The following PCTP variants were observed in gnomAD, a reference collection of about 807,000 sequenced individuals.
PCTP encodes the protein phosphatidylcholine transfer protein, also known as START domain-containing protein 2.
PCTP carries 27 observed loss-of-function variants against 31.0 expected under a neutral mutation model. That is an observed-to-expected ratio of 0.87 (90% CI 0.64 to 1.20). PCTP has a LOEUF of 1.20. Ranked by LOEUF, PCTP falls within the 50% of genes most tolerant of loss-of-function variation. PCTP has a pLI of 0.00. For missense variants in PCTP, 287 were observed against 268.2 expected (o/e 1.07, Z -0.49); for synonymous variants, 108 against 101.2 (o/e 1.07, Z -0.40).
chr17:55,779,369 G>C (rs1374353327), downstream of PCTP, among the ~76,000 whole-genome samples: 2 of 152,198 alleles, frequency 1.3e-5, no homozygotes, highest in Non-Finnish European at 1.5e-5. Flanking sequence ...AGAACATGTT[G>C]GAATTGTGGC....
chr17:55,762,112 G>A (rs1250633513), intron 1 of PCTP, among the ~76,000 whole-genome samples: 3 of 152,150 alleles, frequency 2.0e-5, no homozygotes, highest in Non-Finnish European at 4.4e-5. Flanking sequence ...TGGGATGAAA[G>A]GATGGCATGA....
At chr17:55,829,547 T>C (rs1426671904) in intron 5 of PCTP, among the ~76,000 whole-genome samples, 1 of 152,160 alleles carries the variant, frequency 6.6e-6, no homozygotes, top group Non-Finnish European at 1.5e-5. Flanking sequence ...TCACCTCAGG[T>C]GATCCACCTG....
intron 5 of PCTP, among the ~76,000 whole-genome samples, chr17:55,836,412 C>T (rs1171896640): frequency 6.6e-6 from 1 of 152,180 alleles, no homozygotes. Flanking sequence ...CCAAGTGCCC[C>T]AAAGACAAGG....
At chr17:55,834,574 C>T (rs1014946177) in intron 5 of PCTP, among the ~76,000 whole-genome samples, 3 of 152,188 alleles carry the variant, frequency 2.0e-5, no homozygotes, top group Non-Finnish European at 4.4e-5. Flanking sequence ...TTTTCACCTG[C>T]GGTCCATCGC....
At chr17:55,751,381 CCT>C in intron 1 of PCTP, 137 bp downstream of exon 1, 1 of 1,532,178 alleles carries the variant, frequency 6.5e-7, no homozygotes, top group South Asian at 1.2e-5. Flanking sequence ...CCGCCCGGAC[CCT>C]GTCTCAAGCT....
intron 3 of PCTP, among the ~76,000 whole-genome samples, chr17:55,810,140 C>T (rs12952737): frequency 0.14 from 21,250 of 152,150 alleles, 1,554 homozygotes; most frequent in Middle Eastern, 0.19. Context: ...CTGCCTCAGC[C>T]TCCATAGTAG....
chr17:55,776,897 G>T lies in PCTP; in HGVS notation c.*797G>T. ...GCTTTGCATTTTACTGGAAACTGAG[G>T]CGTCAAGATGGCTGTGGCAGCTAGC... On this transcript the variant is annotated 3_prime_UTR_variant, in exon 6 of 6. Transcript: ENST00000268896. The T allele has an allele frequency of 1.0e-6, 1 of 991,660 alleles. No individual in the cohort carries two copies. Among genetic ancestry groups the T allele is most frequent in the Non-Finnish European group, 1.2e-6 (1 of 834,404 alleles). 61.4% of individuals were successfully genotyped at this position (991,660 alleles called of 1,614,324 possible). A position where few individuals can be genotyped will look rare whatever the true frequency, so the allele number is the denominator to read the frequency against.
chr17:55,823,091 C>G (rs1905288619), downstream of PCTP: 1 of 242,012 alleles, frequency 4.1e-6, no homozygotes, highest in Non-Finnish European at 7.9e-6. Flanking sequence ...ATTACCTGCC[C>G]TCTTGGAGCT....
chr17:55,787,099 C>A (rs557552928), intron 2 of PCTP, among the ~76,000 whole-genome samples: 1 of 151,600 alleles, frequency 6.6e-6, no homozygotes, highest in African/African-American at 2.4e-5. Context: ...CATCAGAGAC[C>A]CCAGAGGTAG....
chr17:55,830,155 G>A (rs1455228178), intron 5 of PCTP, among the ~76,000 whole-genome samples: 6 of 152,208 alleles, frequency 3.9e-5, no homozygotes, highest in East Asian at 1.9e-4. Flanking sequence ...CCCAGAGATC[G>A]CCACTTAATC....
chr17:55,837,025 T>G (rs996979352), intron 5 of PCTP, among the ~76,000 whole-genome samples: 1 of 152,054 alleles, frequency 6.6e-6, no homozygotes, highest in African/African-American at 2.4e-5. Context: ...TCTGGTGATG[T>G]GAAGGTTGTA....
At chr17:55,812,292 A>G (rs1286062174) in intron 3 of PCTP, among the ~76,000 whole-genome samples, 1 of 152,224 alleles carries the variant, frequency 6.6e-6, no homozygotes, top group Non-Finnish European at 1.5e-5. Flanking sequence ...CACTATGGGA[A>G]TACCTTACAG....
At chr17:55,837,138 A>G (rs1375703666) in intron 5 of PCTP, among the ~76,000 whole-genome samples, 2 of 152,186 alleles carry the variant, frequency 1.3e-5, no homozygotes, top group Admixed American at 6.5e-5. Context: ...CAATGAGTAG[A>G]AGGAAAGTGA....
intron 5 of PCTP, among the ~76,000 whole-genome samples, chr17:55,831,403 A>C (rs1380412239): frequency 2.0e-5 from 3 of 152,160 alleles, no homozygotes; most frequent in African/African-American, 7.2e-5. Context: ...GAGGAGGGTC[A>C]CACCTGGCTC....
At chr17:55,766,458 G>A (rs1428254451) in intron 1 of PCTP, among the ~76,000 whole-genome samples, 2 of 126,860 alleles carry the variant, frequency 1.6e-5, no homozygotes, top group African/African-American at 6.3e-5. Context: ...TCCCCTTCCT[G>A]TGTCCATGTG....
intron 3 of PCTP, chr17:55,822,640 A>T (rs1913151922): frequency 2.4e-6 from 1 of 419,438 alleles, no homozygotes; most frequent in Non-Finnish European, 4.0e-6. Flanking sequence ...AGAGGCTAGA[A>T]GTAGAATTGC....
At chr17:55,828,794 C>T (rs56832189) in intron 5 of PCTP, among the ~76,000 whole-genome samples, 2,045 of 152,198 alleles carry the variant, frequency 0.013, 36 homozygotes, top group African/African-American at 0.047. Context: ...GCAGCAGTGG[C>T]GGGCCTACTG....
chr17:55,796,069 A>C (rs1345912461), intron 3 of PCTP, among the ~76,000 whole-genome samples: 1 of 152,020 alleles, frequency 6.6e-6, no homozygotes, highest in Non-Finnish European at 1.5e-5. Flanking sequence ...GAGGATGGGA[A>C]TTTTTGGGAG....
chr17:55,756,544 C>G (rs1235742439), intron 1 of PCTP, among the ~76,000 whole-genome samples: 1 of 152,148 alleles, frequency 6.6e-6, no homozygotes, highest in East Asian at 1.9e-4. Context: ...CCATACCAAG[C>G]CCTACCTTAG....
Sources: gnomAD v4.1 joint callset for allele counts (sites outside exome capture counted in the v4.1 genomes callset) on GRCh38, gnomAD v4.1.1 for gene constraint, MANE v1.5 for transcripts, NCBI Gene and HGNC (gene_info 2026-07-23, HGNC 2026-07-21) for gene names.